ATF6: variants seen among roughly 807,000 people sequenced by gnomAD.
ATF6 encodes the protein activating transcription factor 6.
A neutral mutation model predicts 83.6 loss-of-function variants in ATF6; 53 were observed. That is an observed-to-expected ratio of 0.63 (90% CI 0.51 to 0.80). The LOEUF (loss-of-function observed/expected upper bound fraction) is 0.80. Ranked by LOEUF, ATF6 falls within the 30% of genes least tolerant of loss-of-function variation. The pLI is 0.00. For synonymous variants in ATF6, 288 were observed against 285.8 expected (o/e 1.01, Z -0.08); for missense variants, 744 against 797.9 (o/e 0.93, Z 0.81).
At chr1:161,893,410 C>A (rs1188502689) in intron 14 of ATF6, among the ~76,000 whole-genome samples, 2 of 152,194 alleles carry the variant, frequency 1.3e-5, no homozygotes, top group Non-Finnish European at 2.9e-5. Flanking sequence ...AGGTGATCCG[C>A]CAGCCTCAGC....
chr1:161,863,438 G>C (rs1686927717), intron 14 of ATF6, 126 bp downstream of exon 14: 1 of 660,358 alleles, frequency 1.5e-6, no homozygotes, highest in African/African-American at 1.8e-5. Context: ...TAAATTATGT[G>C]AGTGGAACAG....
chr1:161,867,593 A>G (rs995223503), intron 14 of ATF6, among the ~76,000 whole-genome samples: 2 of 152,218 alleles, frequency 1.3e-5, no homozygotes, highest in African/African-American at 4.8e-5. Context: ...CATTAAAAAC[A>G]GGTTCTCTTT....
Position 161,960,521 on chromosome 1 carries a change from G to A in ATF6, c.*1867G>A, listed in dbSNP as rs1468675910. ...TAACTCTCTGGACAGGTGCCTCTTT[G>A]TCCAAGCTAGTTAAATGCTTTCCAA... On this transcript the variant is annotated 3_prime_UTR_variant, in exon 16 of 16. Coordinates refer to ENST00000367942, the MANE Select transcript of ATF6 (RefSeq NM_007348.4). 4 of 152,192 alleles carry A rather than the reference G, an allele frequency of 2.6e-5. No individual in the cohort carries two copies. The highest frequency in any genetic ancestry group is 9.7e-5 in the African/African-American group (4 of 41,444). 9.4% of individuals were successfully genotyped at this position (152,192 alleles called of 1,614,324 possible).
At position 161,783,979 on chromosome 1, in the gene ATF6, A is replaced by G. The variant is rs778818481; in HGVS notation, c.248-11A>G. ...GTCCAGTGGGTAAAACCTTTCCTCC[A>G]TGTTTTCCAGTTAAAGATATTAAGG... is the stretch of plus-strand genomic sequence containing the variant. On this transcript the variant is annotated splice_polypyrimidine_tract_variant and intron_variant, in intron 3 of 15. Transcript: ENST00000367942. The G allele has an allele frequency of 1.0e-5, 16 of 1,574,174 alleles. No individual in the cohort carries two copies. The highest frequency in any genetic ancestry group is 1.1e-5 in the Non-Finnish European group (13 of 1,145,034).
At chr1:161,850,123 A>T (rs555296607) in intron 10 of ATF6, among the ~76,000 whole-genome samples, 1 of 152,280 alleles carries the variant, frequency 6.6e-6, no homozygotes, top group African/African-American at 2.4e-5. Context: ...CATTGAGTCC[A>T]TTTTTGGTAC....
chr1:161,772,086 G>C (rs970015994), intron 1 of ATF6, among the ~76,000 whole-genome samples: 2 of 152,092 alleles, frequency 1.3e-5, no homozygotes, highest in East Asian at 3.9e-4. Flanking sequence ...TTCAATAGTT[G>C]TTCAGTCCTT....
At chr1:161,768,600 G>C (rs1490052897) in intron 1 of ATF6, among the ~76,000 whole-genome samples, 2 of 152,102 alleles carry the variant, frequency 1.3e-5, no homozygotes, top group Non-Finnish European at 2.9e-5. Flanking sequence ...GTCTTGCTCT[G>C]TCGCCCAGGC....
intron 14 of ATF6, among the ~76,000 whole-genome samples, chr1:161,886,401 T>C (rs1687419248): frequency 6.6e-6 from 1 of 152,238 alleles, no homozygotes; most frequent in Non-Finnish European, 1.5e-5. Flanking sequence ...AGAAACATCT[T>C]ATACAGTTAT....
chr1:161,815,138 A>G (rs922002696), intron 7 of ATF6, among the ~76,000 whole-genome samples: 1 of 150,976 alleles, frequency 6.6e-6, no homozygotes, highest in African/African-American at 2.4e-5. Context: ...ACTTGAGTTT[A>G]CATGAGATAT....
At chr1:161,830,434 T>C (rs960810016) in intron 9 of ATF6, among the ~76,000 whole-genome samples, 3 of 152,084 alleles carry the variant, frequency 2.0e-5, no homozygotes, top group Non-Finnish European at 2.9e-5. Context: ...CTTCACAGAA[T>C]TGGAAAAAAC....
intron 12 of ATF6, among the ~76,000 whole-genome samples, chr1:161,857,218 T>A (rs1312470659): frequency 6.6e-6 from 1 of 152,234 alleles, no homozygotes; most frequent in Non-Finnish European, 1.5e-5. Context: ...GTTACCTCTT[T>A]CAGTTGCTAA....
intron 14 of ATF6, among the ~76,000 whole-genome samples, chr1:161,910,825 AAAAAC>A (rs1396061110): frequency 5.3e-5 from 8 of 152,212 alleles, no homozygotes; most frequent in Non-Finnish European, 1.0e-4. Context: ...ATGCACTTAA[AAAAAC>A]AAAACAAAAA....
chr1:161,831,152 C>G (rs931035046), intron 9 of ATF6, among the ~76,000 whole-genome samples: 2 of 152,200 alleles, frequency 1.3e-5, no homozygotes, highest in African/African-American at 2.4e-5. Context: ...ACAGACACTT[C>G]TCAAAAGAAG....
intron 14 of ATF6, among the ~76,000 whole-genome samples, chr1:161,890,672 G>A (rs1308105367): frequency 6.6e-6 from 1 of 152,190 alleles, no homozygotes; most frequent in Non-Finnish European, 1.5e-5. Flanking sequence ...ATGCTCTAGC[G>A]GATTGGCCCC....
At chr1:161,894,700 T>A (rs1687637663) in intron 14 of ATF6, among the ~76,000 whole-genome samples, 1 of 120,572 alleles carries the variant, frequency 8.3e-6, no homozygotes. Flanking sequence ...TAAGCCGGGC[T>A]AATTTTTTTT....
intron 15 of ATF6, among the ~76,000 whole-genome samples, chr1:161,940,142 A>T (rs1204491500): frequency 6.6e-6 from 1 of 152,170 alleles, no homozygotes. Flanking sequence ...AACTTAGAAC[A>T]GTCTTGATTC....
intron 6 of ATF6, among the ~76,000 whole-genome samples, chr1:161,792,812 T>C (rs979673927): frequency 1.4e-4 from 21 of 152,312 alleles, no homozygotes; most frequent in African/African-American, 5.0e-4. Flanking sequence ...TGCTTTCAAC[T>C]AGCTAAGAAT....
intron 1 of ATF6, among the ~76,000 whole-genome samples, chr1:161,772,703 A>C (rs919973941): frequency 1.3e-5 from 2 of 151,350 alleles, no homozygotes; most frequent in African/African-American, 4.9e-5. Flanking sequence ...GTAAATGAAC[A>C]TGTTGTTGTT....
At chr1:161,886,803 T>C (rs1266588735) in intron 14 of ATF6, among the ~76,000 whole-genome samples, 1 of 152,210 alleles carries the variant, frequency 6.6e-6, no homozygotes, top group Non-Finnish European at 1.5e-5. Context: ...AGTAGCAAAG[T>C]CAGGATTCGA....
Sources: gnomAD v4.1 joint callset for allele counts (sites outside exome capture counted in the v4.1 genomes callset) on GRCh38, gnomAD v4.1.1 for gene constraint, MANE v1.5 for transcripts, NCBI Gene and HGNC (gene_info 2026-07-23, HGNC 2026-07-21) for gene names.